CNGA1: variants seen among roughly 807,000 people sequenced by gnomAD.
CNGA1 encodes the protein cyclic nucleotide-gated channel alpha-1.
CNGA1 carries 53 observed loss-of-function variants against 69.7 expected under a neutral mutation model. The ratio of observed to expected loss-of-function variants is 0.76; its 90% confidence interval spans 0.61 to 0.96. CNGA1 has a LOEUF of 0.96. Among genes scored for constraint, CNGA1 ranks in the 40% least tolerant of loss-of-function variants. The pLI is 0.00. For missense variants in CNGA1, 739 were observed against 811.2 expected, an observed-to-expected ratio of 0.91 and a Z score of 1.08; for synonymous variants, 249 against 283.5, an observed-to-expected ratio of 0.88 and a Z score of 1.22.
chr4:47,941,911 C>T (rs1739100156), intron 9 of CNGA1, 130 bp downstream of exon 9: 1 of 661,940 alleles, frequency 1.5e-6, no homozygotes, highest in African/African-American at 1.8e-5. Flanking sequence ...AATCTAGCCT[C>T]TCTTTACCAC....
intron 9 of CNGA1, among the ~76,000 whole-genome samples, chr4:47,941,673 T>C (rs1739084417): frequency 6.6e-6 from 1 of 152,086 alleles, no homozygotes; most frequent in Non-Finnish European, 1.5e-5. Flanking sequence ...AACGATTGGG[T>C]ACTGGGCTTA....
intron 8 of CNGA1, 146 bp from the exon 9 acceptor site, chr4:47,942,294 A>G (rs953867601): frequency 1.5e-6 from 1 of 672,278 alleles, no homozygotes; most frequent in Admixed American, 2.1e-5. Context: ...GAAGATTAGC[A>G]TGGCATAAGA....
intron 8 of CNGA1, among the ~76,000 whole-genome samples, chr4:47,942,468 CTT>C (rs1355911900): frequency 6.7e-6 from 1 of 149,996 alleles, no homozygotes; most frequent in Non-Finnish European, 1.5e-5. Flanking sequence ...TAAGACCAGT[CTT>C]ATATTAAAGC....
intron 1 of CNGA1, among the ~76,000 whole-genome samples, chr4:48,013,893 A>T (rs1326290658): frequency 6.6e-6 from 1 of 151,898 alleles, no homozygotes; most frequent in Non-Finnish European, 1.5e-5. Flanking sequence ...GAAACCACAG[A>T]CCTCCCTACA....
chr4:47,947,179 C>G (rs895683390), intron 6 of CNGA1, among the ~76,000 whole-genome samples: 8 of 152,116 alleles, frequency 5.3e-5, no homozygotes, highest in African/African-American at 1.7e-4. Context: ...TATCAGCCCC[C>G]ACCTGTGGTC....
rs996384452 is a variant in CNGA1, at chr4:47,981,398, G to A, written c.-20C>T. 4 of 152,188 alleles carry A rather than the reference G, an allele frequency of 2.6e-5. No homozygotes were observed. The highest frequency in any genetic ancestry group is 9.6e-5 in the African/African-American group (4 of 41,454). The allele number at this position is 152,188 out of a possible 1,614,324, so 9.4% of individuals were successfully genotyped here. A position where few individuals can be genotyped will look rare whatever the true frequency, so the allele number is the denominator to read the frequency against. ...CGTTATCACTGGGTTCTTACCTTTG[G>A]TTGTTTAAGTAATATAACTTTGTCT... On this transcript the variant is annotated 5_prime_UTR_variant, in exon 3 of 11. Coordinates refer to ENST00000514170, the MANE Select transcript of CNGA1 (RefSeq NM_001379270.1).
Position 47,936,982 on chromosome 4 carries a change from A to G in CNGA1, c.1500T>C (p.Asp500=). The G allele has an allele frequency of 1.2e-6, 2 of 1,613,874 alleles. No individual in the cohort carries two copies. The highest frequency in any genetic ancestry group is 1.7e-6 in the Non-Finnish European group (2 of 1,179,850). The change falls in exon 11 of 11, where the codon GAT becomes GAC. Residue 500 remains aspartate (D), a synonymous_variant. Coordinates refer to ENST00000514170, the MANE Select transcript of CNGA1 (RefSeq NM_001379270.1). Reference sequence around the variant, plus strand: ...CGATATCCCCTTTCTTGCAAATATAATCTCCAGGACTGTAGACTTGGGGTT... The same window carrying G: ...CGATATCCCCTTTCTTGCAAATATAGTCTCCAGGACTGTAGACTTGGGGTT... ...KLQPQVYSPG[D]YICKKGDIGR...
At chr4:47,994,210 T>C (rs573271517) in intron 2 of CNGA1, among the ~76,000 whole-genome samples, 1 of 152,268 alleles carries the variant, frequency 6.6e-6, no homozygotes, top group South Asian at 2.1e-4. Context: ...CAGGGTATAG[T>C]TTAAATCCAT....
intron 2 of CNGA1, among the ~76,000 whole-genome samples, chr4:47,988,766 A>G (rs1267862881): frequency 1.3e-5 from 2 of 152,142 alleles, no homozygotes; most frequent in African/African-American, 4.8e-5. Context: ...ATATTCATTC[A>G]TTCAGTGTAC....
At chr4:47,998,364 A>C (rs1251338726) in intron 2 of CNGA1, among the ~76,000 whole-genome samples, 1 of 152,244 alleles carries the variant, frequency 6.6e-6, no homozygotes, top group Non-Finnish European at 1.5e-5. Flanking sequence ...AGACTGGACA[A>C]AGAATAACTT....
chr4:47,997,974 A>G (rs1300618574), intron 2 of CNGA1, among the ~76,000 whole-genome samples: 1 of 152,226 alleles, frequency 6.6e-6, no homozygotes, highest in Non-Finnish European at 1.5e-5. Context: ...TCATAAGATG[A>G]ACCATCATAA....
At chr4:48,001,796 A>G (rs540685780) in intron 2 of CNGA1, among the ~76,000 whole-genome samples, 1 of 152,218 alleles carries the variant, frequency 6.6e-6, no homozygotes, top group African/African-American at 2.4e-5. Context: ...CCATAAACCA[A>G]ATCTCAACAC....
intron 5 of CNGA1, among the ~76,000 whole-genome samples, chr4:47,950,255 CGTGCTAGTAAATAA>C (rs1739661619): frequency 1.3e-5 from 2 of 152,252 alleles, no homozygotes; most frequent in South Asian, 4.1e-4. Flanking sequence ...ATGCCATTCT[CGTGCTAGTAAATAA>C]GTCTCACAAG....
chr4:47,947,561 T>C (rs1300639562), intron 6 of CNGA1, among the ~76,000 whole-genome samples: 2 of 151,948 alleles, frequency 1.3e-5, no homozygotes, highest in Non-Finnish European at 2.9e-5. Context: ...TCCCAGCTAC[T>C]TGGGAGGCTG....
chr4:48,002,795 C>T (rs1714721444), intron 2 of CNGA1, among the ~76,000 whole-genome samples: 1 of 151,800 alleles, frequency 6.6e-6, no homozygotes. Flanking sequence ...AAGCTCATAT[C>T]TTATAACCTC....
chr4:47,943,259 T>A lies in CNGA1; in HGVS notation c.359A>T (p.Asn120Ile). The A allele has an allele frequency of 6.4e-7, 1 of 1,568,236 alleles. No individual in the cohort carries two copies. Among genetic ancestry groups the A allele is most frequent in the Non-Finnish European group, 8.6e-7 (1 of 1,156,390 alleles). ...SKSDDKNENK[N>I]DPEKKKKKKD... Reference sequence around the variant, plus strand: ...TTTCTTCTTTTTCTTCTCTGGGTCGTTTTTATTTTCGTTTTTATCATCTGA... The same window carrying A: ...TTTCTTCTTTTTCTTCTCTGGGTCGATTTTATTTTCGTTTTTATCATCTGA... The change falls in exon 8 of 11, where the codon AAC becomes ATC. Residue 120 changes from asparagine to isoleucine, a missense_variant. By Grantham distance (149) the Asn-to-Ile change is moderately radical (BLOSUM62 -3). Coordinates refer to ENST00000514170, the MANE Select transcript of CNGA1 (RefSeq NM_001379270.1).
At chr4:47,956,732 G>A (rs1360528329) in intron 3 of CNGA1, among the ~76,000 whole-genome samples, 3 of 152,144 alleles carry the variant, frequency 2.0e-5, no homozygotes, top group Admixed American at 1.3e-4. Context: ...TGTGAAAGAA[G>A]AGGAAGGAAA....
Position 47,936,407 on chromosome 4 carries a change from C to T in CNGA1, c.*14G>A, listed in dbSNP as rs1389190738. ...TCATGAGGCATGTCCCTGTTAATGA[C>T]CAGCTTTTCGGTTCTATGTAGAGTC... On this transcript the variant is annotated 3_prime_UTR_variant, in exon 11 of 11. Transcript: ENST00000514170. The T allele has an allele frequency of 6.2e-7, 1 of 1,613,756 alleles. No individual in the cohort carries two copies. The highest frequency in any genetic ancestry group is 8.5e-7 in the Non-Finnish European group (1 of 1,179,722).
intron 2 of CNGA1, among the ~76,000 whole-genome samples, chr4:48,007,572 GTC>G (rs1714977349): frequency 6.6e-6 from 1 of 152,116 alleles, no homozygotes; most frequent in Non-Finnish European, 1.5e-5. Context: ...AGGACTTGGT[GTC>G]CTTTTTAGAC....
Sources: gnomAD v4.1 joint callset for allele counts (sites outside exome capture counted in the v4.1 genomes callset) on GRCh38, gnomAD v4.1.1 for gene constraint, MANE v1.5 for transcripts, NCBI Gene and HGNC (gene_info 2026-07-23, HGNC 2026-07-21) for gene names.